QTGAL: variants seen among roughly 807,000 people sequenced by gnomAD.
The protein encoded by QTGAL is queuosine-tRNA galactosyltransferase, also known as BGnT-like protein 1.
chr17:82,969,087 T>C, the QTGAL span, among the ~76,000 whole-genome samples: 2 of 151,346 alleles, frequency 1.3e-5, no homozygotes, highest in African/African-American at 4.9e-5. Context: ...TGAGCCAAGA[T>C]TGTCATTGCA....
the QTGAL span, among the ~76,000 whole-genome samples, chr17:83,045,886 C>G: frequency 5.9e-5 from 9 of 151,522 alleles, no homozygotes; most frequent in Middle Eastern, 3.4e-3. Flanking sequence ...ACGATCTCGG[C>G]TCACAGCAGA....
the QTGAL span, among the ~76,000 whole-genome samples, chr17:82,957,991 C>T: frequency 1.3e-5 from 2 of 152,200 alleles, no homozygotes; most frequent in Non-Finnish European, 1.5e-5. Flanking sequence ...GCTGCTGTCC[C>T]GGGGGGAGCA....
At chr17:83,007,212 C>A in the QTGAL span, 3 of 984,802 alleles carry the variant, frequency 3.0e-6, no homozygotes, top group East Asian at 2.3e-4. Flanking sequence ...GTGAACCTTT[C>A]ATGTCTCTCT....
At chr17:83,041,075 A>T in the QTGAL span, among the ~76,000 whole-genome samples, 10 of 151,414 alleles carry the variant, frequency 6.6e-5, no homozygotes, top group Admixed American at 2.6e-4. Flanking sequence ...CAAAAAAAAA[A>T]AAAAAAAATG....
the QTGAL span, among the ~76,000 whole-genome samples, chr17:82,975,162 C>T: frequency 4.0e-5 from 2 of 49,710 alleles, no homozygotes; most frequent in Non-Finnish European, 7.8e-5. Context: ...TTATGGGGAA[C>T]GAGGGCCCCG....
At chr17:83,010,176 C>A in the QTGAL span, among the ~76,000 whole-genome samples, 3 of 152,020 alleles carry the variant, frequency 2.0e-5, no homozygotes, top group African/African-American at 7.2e-5. Flanking sequence ...CGTTCAACCA[C>A]CAGGCAGGCG....
chr17:83,038,579 C>T, the QTGAL span, among the ~76,000 whole-genome samples: 1 of 152,156 alleles, frequency 6.6e-6, no homozygotes, highest in Non-Finnish European at 1.5e-5. Context: ...GAATATTAGG[C>T]CGGGCGCAGT....
chr17:82,959,609 C>T, the QTGAL span, among the ~76,000 whole-genome samples: 679 of 151,954 alleles, frequency 4.5e-3, 5 homozygotes, highest in African/African-American at 0.016. Context: ...GGCGGGGGGA[C>T]GAGCCTGATC....
the QTGAL span, among the ~76,000 whole-genome samples, chr17:82,960,820 A>G: frequency 0.69 from 104,938 of 152,228 alleles, 36,526 homozygotes; most frequent in East Asian, 0.91. Context: ...CTAGGGAAGG[A>G]CGTTCGGCCT....
At chr17:83,035,181 TC>T in the QTGAL span, 6 of 1,214,542 alleles carry the variant, frequency 4.9e-6, no homozygotes, top group East Asian at 2.6e-5. Context: ...TATATGATAT[TC>T]TTTTTTTTTT....
the QTGAL span, among the ~76,000 whole-genome samples, chr17:83,033,374 G>T: frequency 6.6e-6 from 1 of 152,126 alleles, no homozygotes; most frequent in Non-Finnish European, 1.5e-5. Context: ...CAAGAAGGAA[G>T]CTGAGGAGTG....
At chr17:83,030,338 C>T in the QTGAL span, among the ~76,000 whole-genome samples, 740 of 152,100 alleles carry the variant, frequency 4.9e-3, 2 homozygotes, top group East Asian at 0.027. Context: ...GCAGAATGAG[C>T]GCGAATAAAG....
the QTGAL span, among the ~76,000 whole-genome samples, chr17:82,984,119 G>C: frequency 7.7e-6 from 1 of 130,168 alleles, no homozygotes. Context: ...TGAGCACATG[G>C]GGGAGAGGCC....
chr17:83,050,414 T>A, the QTGAL span, among the ~76,000 whole-genome samples: 7 of 152,152 alleles, frequency 4.6e-5, no homozygotes, highest in Admixed American at 1.3e-4. Flanking sequence ...TTCCCTAATT[T>A]ATTTACAAAT....
the QTGAL span, among the ~76,000 whole-genome samples, chr17:82,954,957 C>T: frequency 2.0e-5 from 3 of 152,220 alleles, no homozygotes; most frequent in Non-Finnish European, 4.4e-5. Context: ...AGACCCCTTC[C>T]TTACAGCTTA....
chr17:83,023,832 A>G, the QTGAL span, among the ~76,000 whole-genome samples: 1 of 152,224 alleles, frequency 6.6e-6, no homozygotes, highest in South Asian at 2.1e-4. Flanking sequence ...CATGGGTTAG[A>G]TGGGCCGATG....
chr17:82,973,104 G>A, the QTGAL span, among the ~76,000 whole-genome samples: 2 of 152,312 alleles, frequency 1.3e-5, no homozygotes, highest in Admixed American at 6.5e-5. Flanking sequence ...TGGGGCCACC[G>A]CCCACTCACA....
chr17:82,946,495 G>A, the QTGAL span, among the ~76,000 whole-genome samples: 1 of 150,990 alleles, frequency 6.6e-6, no homozygotes, highest in Non-Finnish European at 1.5e-5. Context: ...TATTGAATTG[G>A]TACATTTCAA....
the QTGAL span, among the ~76,000 whole-genome samples, chr17:82,966,856 T>G: frequency 2.0e-5 from 3 of 152,220 alleles, no homozygotes; most frequent in African/African-American, 7.2e-5. Flanking sequence ...TTTGGTTCTT[T>G]GAAAGATCCT....
Sources: gnomAD v4.1 joint callset for allele counts (sites outside exome capture counted in the v4.1 genomes callset) on GRCh38, gnomAD v4.1.1 for gene constraint, MANE v1.5 for transcripts, NCBI Gene and HGNC (gene_info 2026-07-23, HGNC 2026-07-21) for gene names.